FGGY: variants seen among roughly 807,000 people sequenced by gnomAD.
The protein encoded by FGGY is FGGY carbohydrate kinase domain containing.
Under a neutral mutation model 71.3 loss-of-function variants are expected in FGGY, and 72 were observed. The observed-to-expected ratio is 1.01, with a 90% CI of 0.84 to 1.23. The LOEUF is 1.23. FGGY is among the 50% of genes most tolerant of loss of function. FGGY has a pLI of 0.00. For synonymous variants in FGGY, 251 were observed against 250.3 expected (o/e 1.00, Z -0.02); for missense variants, 668 against 682.3 (o/e 0.98, Z 0.23).
chr1:59,369,871 A>G (rs1227635476), intron 4 of FGGY, among the ~76,000 whole-genome samples: 5 of 152,246 alleles, frequency 3.3e-5, no homozygotes, highest in Non-Finnish European at 7.3e-5. Context: ...TTAGAAGGAA[A>G]ACTAACAAAC....
At chr1:59,567,335 G>T (rs1294597431) in intron 8 of FGGY, among the ~76,000 whole-genome samples, 1 of 151,980 alleles carries the variant, frequency 6.6e-6, no homozygotes, top group Non-Finnish European at 1.5e-5. Context: ...ATATATATAT[G>T]TAAAACTGAT....
At chr1:59,573,264 A>C (rs2096017564) in intron 8 of FGGY, among the ~76,000 whole-genome samples, 1 of 152,216 alleles carries the variant, frequency 6.6e-6, no homozygotes, top group African/African-American at 2.4e-5. Flanking sequence ...TAATAAGATC[A>C]GTAGATTAGA....
rs559374810 is a variant in FGGY, at chr1:59,448,110, C to T, written c.555-8851C>T. ...TTTCCTGCTGCTATTTAGGTTTTAC[C>T]TTTCTCAAGTCTACCAAGAGAGTTA... On this transcript the variant is annotated intron_variant, in intron 5 of 15. Transcript: ENST00000303721. Among the ~76,000 whole-genome samples, 6 of 152,026 alleles carry T rather than the reference C, an allele frequency of 3.9e-5. No individual in the cohort carries two copies. The East Asian group carries it at 1.2e-3, about 29-fold the overall frequency.
intron 5 of FGGY, among the ~76,000 whole-genome samples, chr1:59,446,490 A>G (rs910139323): frequency 1.3e-5 from 2 of 152,156 alleles, no homozygotes; most frequent in African/African-American, 4.8e-5. Flanking sequence ...ACAGGCCTGA[A>G]ATCTGACAGC....
At chr1:59,695,425 C>G (rs898014227) in intron 14 of FGGY, among the ~76,000 whole-genome samples, 7 of 152,164 alleles carry the variant, frequency 4.6e-5, no homozygotes, top group African/African-American at 1.7e-4. Context: ...AACACACTCG[C>G]CCATGCATTC....
At chr1:59,332,011 A>G (rs1283906516) in intron 2 of FGGY, 3 of 152,218 alleles carry the variant, frequency 2.0e-5, no homozygotes, top group African/African-American at 4.8e-5. Context: ...CTTGCTCTAA[A>G]TAGAGCTAAG....
chr1:59,308,941 A>G (rs888915287), intron 1 of FGGY, among the ~76,000 whole-genome samples: 2 of 152,168 alleles, frequency 1.3e-5, no homozygotes, highest in African/African-American at 4.8e-5. Flanking sequence ...GAAGTCCCCT[A>G]TTAATAATCA....
At chr1:59,565,791 C>T (rs536193670) in intron 8 of FGGY, among the ~76,000 whole-genome samples, 2 of 152,308 alleles carry the variant, frequency 1.3e-5, no homozygotes, top group South Asian at 2.1e-4. Flanking sequence ...ACAGCTAGAC[C>T]GCAGTGCTTT....
intron 6 of FGGY, among the ~76,000 whole-genome samples, chr1:59,495,543 A>C (rs2094004182): frequency 6.7e-6 from 1 of 150,294 alleles, no homozygotes; most frequent in African/African-American, 2.5e-5. Context: ...ATTTTTATAT[A>C]TGGTATACAA....
In FGGY at chr1:59,659,546, A is replaced by C. The variant is rs796545615; in HGVS notation, c.1222-673A>C. 3.5e-4 allele frequency among the ~76,000 whole-genome samples: 53 copies of C among 152,320 alleles called. 1 individual carries two copies. The highest frequency in any genetic ancestry group is 1.2e-3 in the African/African-American group (49 of 41,572). On this transcript the variant is annotated intron_variant, in intron 11 of 15. Transcript: ENST00000303721. Reference sequence around the variant, plus strand: ...GAACCCAGCAGCCCTCACCCTTTAGAAATGTCCCAAGAGAACACCTTGATG... The same window carrying C: ...GAACCCAGCAGCCCTCACCCTTTAGCAATGTCCCAAGAGAACACCTTGATG...
At chr1:59,356,487 G>A (rs969488769) in intron 4 of FGGY, among the ~76,000 whole-genome samples, 2 of 152,126 alleles carry the variant, frequency 1.3e-5, no homozygotes, top group Non-Finnish European at 2.9e-5. Flanking sequence ...GTCCCCTGTG[G>A]CATTCTATGC....
At chr1:59,591,150 C>T (rs911771927) in intron 8 of FGGY, among the ~76,000 whole-genome samples, 1 of 152,008 alleles carries the variant, frequency 6.6e-6, no homozygotes, top group African/African-American at 2.4e-5. Flanking sequence ...CAATAACAGA[C>T]AAAGAGAGAG....
At chr1:59,378,939 A>G in intron 5 of FGGY, 102 bp downstream of exon 5, 1 of 942,738 alleles carries the variant, frequency 1.1e-6, no homozygotes, top group Non-Finnish European at 1.6e-6. Flanking sequence ...TACTTTTGGT[A>G]CATCTGCATG....
chr1:59,755,948 G>A (rs1330227417), intron 14 of FGGY: 1 of 152,188 alleles, frequency 6.6e-6, no homozygotes, highest in Non-Finnish European at 1.5e-5. Flanking sequence ...AGACGAAAAG[G>A]ACAAAATAAG....
chr1:59,540,937 C>T (rs1234855094), intron 7 of FGGY, among the ~76,000 whole-genome samples: 1 of 152,164 alleles, frequency 6.6e-6, no homozygotes, highest in Non-Finnish European at 1.5e-5. Flanking sequence ...ATTCTACTCC[C>T]ACCTTGCTAT....
At chr1:59,547,483 G>C (rs1361130797) in intron 7 of FGGY, among the ~76,000 whole-genome samples, 3 of 152,010 alleles carry the variant, frequency 2.0e-5, no homozygotes, top group Non-Finnish European at 2.9e-5. Context: ...ATCTGGGTGT[G>C]ATATAGTCCC....
chr1:59,690,697 CAG>C (rs1558809884), intron 14 of FGGY, among the ~76,000 whole-genome samples: 1 of 152,230 alleles, frequency 6.6e-6, no homozygotes. Context: ...TGAAGTTTTA[CAG>C]AGACTTTGTA....
chr1:59,583,293 T>A lies in FGGY; in HGVS notation c.904-24510T>A, dbSNP rs571324420. Reference sequence around the variant, plus strand: ...TGGTAGGATGATGGCATTGGGAAGCTATAAGGGTGATTCTGACTTCTCTGA... The same window carrying A: ...TGGTAGGATGATGGCATTGGGAAGCAATAAGGGTGATTCTGACTTCTCTGA... On this transcript the variant is annotated intron_variant, in intron 8 of 15. Transcript: ENST00000303721. Among the ~76,000 whole-genome samples, 10 of 143,566 alleles carry A rather than the reference T, an allele frequency of 7.0e-5. 1 individual carries two copies. The highest frequency in any genetic ancestry group is 1.4e-4 in the Non-Finnish European group (9 of 66,526). The allele number at this position is 143,566 out of a possible 152,430, so 94.2% of individuals were successfully genotyped here.
intron 5 of FGGY, among the ~76,000 whole-genome samples, chr1:59,444,853 C>CA (rs777711752): frequency 3.1e-4 from 47 of 152,238 alleles, no homozygotes; most frequent in Admixed American, 5.2e-4. Flanking sequence ...TCCTGGTGCC[C>CA]AAAAGGCTGG....
Sources: allele counts gnomAD v4.1 joint callset (sites outside exome capture counted in the v4.1 genomes callset), GRCh38; gene constraint gnomAD v4.1.1; transcripts MANE v1.5; gene names NCBI Gene and HGNC (gene_info 2026-07-23, HGNC 2026-07-21).